DNAAF5: variants seen among roughly 807,000 people sequenced by gnomAD.
The protein encoded by DNAAF5 is HEAT repeat containing 2.
A neutral mutation model predicts 75.8 loss-of-function variants in DNAAF5; 64 were observed. That is an observed-to-expected ratio of 0.84 (90% CI 0.69 to 1.04). DNAAF5 has a LOEUF of 1.04. DNAAF5 is among the 50% of genes least tolerant of loss of function. The pLI, the probability that DNAAF5 is intolerant of heterozygous loss-of-function variation, is 0.00. For synonymous variants in DNAAF5, 657 were observed against 557.2 expected, an observed-to-expected ratio of 1.18 and a Z score of -2.52; for missense variants, 1,269 against 1,178.5, an observed-to-expected ratio of 1.08 and a Z score of -1.12.
chr7:735,489 G>A (rs528539141), intron 2 of DNAAF5, among the ~76,000 whole-genome samples: 13 of 150,974 alleles, frequency 8.6e-5, no homozygotes, highest in Middle Eastern at 3.5e-3. Context: ...TCATGGTGTC[G>A]TTGCTCATAT....
Position 740,962 on chromosome 7 carries a change from G to T in DNAAF5, c.905+19G>T, listed in dbSNP as rs772991095. 6.2e-7 allele frequency: 1 copy of T among 1,610,214 alleles called. No individual in the cohort carries two copies. The highest frequency in any genetic ancestry group is 1.7e-5 in the Admixed American group (1 of 59,992). On this transcript the variant is annotated intron_variant, in intron 3 of 12. Transcript: ENST00000297440. ...AGGTCAGGTACGTGGGCAGGCGGCC[G>T]CGGGCCTTGTCTTCCTAAACGGTCA...
In DNAAF5 at chr7:726,746, C is replaced by T. The variant is rs1284577076; in HGVS notation, c.26C>T (p.Ala9Val). The T allele has an allele frequency of 8.0e-7, 1 of 1,245,810 alleles. No individual in the cohort carries two copies. Among genetic ancestry groups the T allele is most frequent in the East Asian group, 3.1e-5 (1 of 31,756 alleles). 77.2% of individuals were successfully genotyped at this position (1,245,810 alleles called of 1,614,324 possible). Residue 9 changes from alanine (A) to valine (V), a missense_variant, in exon 1 of 13, where the codon GCC (alanine) becomes GTC (valine). Physicochemically the swap from Ala to Val is moderately conservative, Grantham distance 64. Coordinates refer to ENST00000297440, the MANE Select transcript of DNAAF5 (RefSeq NM_017802.4). MAALGVAE[A>V]VAAPHPAEGA... Reference sequence around the variant, plus strand: ...ATGGCGGCGCTGGGGGTGGCGGAGGCCGTGGCGGCCCCACACCCGGCTGAG... The same window carrying T: ...ATGGCGGCGCTGGGGGTGGCGGAGGTCGTGGCGGCCCCACACCCGGCTGAG...
At chr7:745,628 TACATGTATATCCTC>T in intron 4 of DNAAF5, among the ~76,000 whole-genome samples, 2 of 152,172 alleles carry the variant, frequency 1.3e-5, no homozygotes, top group Non-Finnish European at 2.9e-5. Context: ...CACACACGTG[TACATGTATATCCTC>T]ACACACGTAC....
intron 12 of DNAAF5, 86 bp from the exon 13 acceptor site, chr7:785,431 C>T: frequency 1.3e-6 from 2 of 1,486,404 alleles, no homozygotes; most frequent in South Asian, 1.2e-5. Context: ...GATGCTTGAA[C>T]TTCACTACAA....
chr7:783,411 C>G (rs1245094404), intron 12 of DNAAF5, among the ~76,000 whole-genome samples: 3 of 152,188 alleles, frequency 2.0e-5, no homozygotes, highest in African/African-American at 7.2e-5. Flanking sequence ...CAGTGACGGG[C>G]AGGCCGGGCA....
rs151227818 is a variant in DNAAF5, at chr7:763,880, T to A, written c.1689T>A (p.Ile563=). Residue 563 remains isoleucine (I), a synonymous_variant, in exon 8 of 13, where the codon ATT becomes ATA. Coordinates refer to ENST00000297440, the MANE Select transcript of DNAAF5 (RefSeq NM_017802.4). ...SSCQDLYRKH[I]GPLLERVTAS... ...GCCAGGACCTCTACCGCAAGCACAT[T>A]GGTCCCCTCCTGGAGCGGGTGACCG... 1 of 1,613,290 alleles carries A rather than the reference T, an allele frequency of 6.2e-7. No homozygotes were observed. The highest frequency in any genetic ancestry group is 8.5e-7 in the Non-Finnish European group (1 of 1,180,040).
intron 9 of DNAAF5, among the ~76,000 whole-genome samples, 162 bp from the exon 10 acceptor site, chr7:773,886 G>A (rs1278993843): frequency 2.0e-5 from 3 of 152,164 alleles, no homozygotes; most frequent in Non-Finnish European, 4.4e-5. Flanking sequence ...CTCCCAATTC[G>A]CACTGAGAAG....
intron 7 of DNAAF5, 125 bp from the exon 8 acceptor site, chr7:763,681 C>G: frequency 8.9e-7 from 1 of 1,126,478 alleles, no homozygotes; most frequent in Non-Finnish European, 1.3e-6. Context: ...GCCTCCCTCC[C>G]GATTATCCTG....
chr7:767,649 G>C (rs932965291), intron 8 of DNAAF5, among the ~76,000 whole-genome samples: 1 of 152,272 alleles, frequency 6.6e-6, no homozygotes, highest in African/African-American at 2.4e-5. Context: ...AGTGAAGCCA[G>C]TGCAGAAGTG....
Position 770,336 on chromosome 7 carries a change from G to C in DNAAF5, c.1784-135G>C, listed in dbSNP as rs1778511732. 1.4e-5 allele frequency: 10 copies of C among 706,340 alleles called. No homozygotes were observed. In the Admixed American group the frequency reaches 2.9e-4, roughly 21 times the overall value. 43.8% of individuals were successfully genotyped at this position (706,340 alleles called of 1,614,324 possible). ...CTGTGATAATCACCTTACTGATTGA[G>C]AAAGAGGAAGCGGGGAGGTGGTGGC... On this transcript the variant is annotated intron_variant, in intron 8 of 12. Coordinates refer to ENST00000297440, the MANE Select transcript of DNAAF5 (RefSeq NM_017802.4).
chr7:767,022 G>A (rs180832455), intron 8 of DNAAF5, among the ~76,000 whole-genome samples: 42 of 151,990 alleles, frequency 2.8e-4, no homozygotes, highest in African/African-American at 8.9e-4. Context: ...GGCAGATCCC[G>A]ATGTCAGGAG....
At chr7:758,755 T>A (rs1272419950) in intron 6 of DNAAF5, among the ~76,000 whole-genome samples, 1 of 152,130 alleles carries the variant, frequency 6.6e-6, no homozygotes, top group African/African-American at 2.4e-5. Flanking sequence ...CAATCTTGGC[T>A]CACTGCAGCC....
intron 2 of DNAAF5, 84 bp downstream of exon 2, chr7:729,931 C>A: frequency 2.2e-6 from 3 of 1,361,854 alleles, no homozygotes; most frequent in Non-Finnish European, 3.1e-6. Context: ...CTCACTTGTT[C>A]TTTTTTCAGA....
intron 2 of DNAAF5, among the ~76,000 whole-genome samples, chr7:730,460 T>G (rs1562372556): frequency 2.0e-5 from 3 of 152,198 alleles, no homozygotes; most frequent in Non-Finnish European, 4.4e-5. Flanking sequence ...GTCATCGTAG[T>G]CAGACATGTG....
Position 727,190 on chromosome 7 carries a change from G to T in DNAAF5, c.470G>T (p.Gly157Val). The T allele has an allele frequency of 7.4e-7, 1 of 1,344,756 alleles. No homozygotes were observed. The highest frequency in any genetic ancestry group is 9.6e-7 in the Non-Finnish European group (1 of 1,044,196). 83.3% of individuals were successfully genotyped at this position (1,344,756 alleles called of 1,614,324 possible). The change falls in exon 1 of 13, where the codon GGC becomes GTC. Residue 157 changes from glycine (G) to valine (V), a missense_variant. Gly to Val is a moderately radical substitution (Grantham distance 109). Transcript: ENST00000297440. ...QLLGLAVDLC[G>V]AALAPHLDDA... ...CTGGGCCTGGCCGTGGACCTGTGCG[G>T]CGCCGCGCTCGCGCCCCACCTGGAC...
intron 4 of DNAAF5, among the ~76,000 whole-genome samples, chr7:743,140 G>A (rs2128073708): frequency 6.6e-6 from 1 of 152,300 alleles, no homozygotes; most frequent in South Asian, 2.1e-4. Context: ...AGGGTGGGAG[G>A]ATCACCTGAG....
chr7:754,508 C>A lies in DNAAF5; in HGVS notation c.1025-81C>A. Reference sequence around the variant, plus strand: ...GTGAGGTTGAAACTCACAGGTGTCCCTTAAATGTGATGTGCGGTAACTTGA... The same window carrying A: ...GTGAGGTTGAAACTCACAGGTGTCCATTAAATGTGATGTGCGGTAACTTGA... On this transcript the variant is annotated intron_variant, in intron 4 of 12. Coordinates refer to ENST00000297440, the MANE Select transcript of DNAAF5 (RefSeq NM_017802.4). The surrounding 1 kb of genome is among the most constrained non-coding windows in gnomAD (Gnocchi z 4.8). The A allele has an allele frequency of 8.3e-7, 1 of 1,209,890 alleles. No homozygotes were observed. 74.9% of individuals were successfully genotyped at this position (1,209,890 alleles called of 1,614,324 possible). A position where few individuals can be genotyped will look rare whatever the true frequency, so the allele number is the denominator to read the frequency against.
chr7:781,661 C>T (rs1583526395), intron 12 of DNAAF5, among the ~76,000 whole-genome samples: 1 of 149,462 alleles, frequency 6.7e-6, no homozygotes, highest in African/African-American at 2.4e-5. Context: ...TCCACATCCG[C>T]GCCGGGACTT....
At chr7:769,339 G>A in intron 8 of DNAAF5, 1 of 632,514 alleles carries the variant, frequency 1.6e-6, no homozygotes, top group East Asian at 2.7e-5. Context: ...GCTGAGCCTG[G>A]CAGGAGACGC....
Sources: allele counts gnomAD v4.1 joint callset (sites outside exome capture counted in the v4.1 genomes callset), GRCh38; gene constraint gnomAD v4.1.1; non-coding constraint Gnocchi (gnomAD v3.1); transcripts MANE v1.5; gene names NCBI Gene and HGNC (gene_info 2026-07-23, HGNC 2026-07-21).